The following NFE2 variants were observed in gnomAD, a reference collection of about 807,000 sequenced individuals.
NFE2 encodes the protein transcription factor NF-E2 45 kDa subunit.
Under a neutral mutation model 25.8 loss-of-function variants are expected in NFE2, and 13 were observed. The observed-to-expected ratio is 0.50, with a 90% confidence interval of 0.33 to 0.80. The LOEUF is 0.80. NFE2 is among the 30% of genes least tolerant of loss of function. NFE2 has a pLI of 0.02. For synonymous variants in NFE2, 204 were observed against 200.2 expected, an observed-to-expected ratio of 1.02 and a Z score of -0.16; for missense variants, 382 against 478.9, an observed-to-expected ratio of 0.80 and a Z score of 1.89.
chr12:54,295,096 C>A, intron 2 of NFE2, 39 bp downstream of exon 2: 2 of 1,562,822 alleles, frequency 1.3e-6, no homozygotes, highest in South Asian at 1.1e-5. Flanking sequence ...CTCTCTTCTC[C>A]GACACACGGC....
chr12:54,298,116 C>T (rs1027077598), intron 1 of NFE2, among the ~76,000 whole-genome samples: 2 of 152,176 alleles, frequency 1.3e-5, no homozygotes, highest in South Asian at 2.1e-4. Flanking sequence ...CCCAATCCCC[C>T]CATTTGTCTC....
At position 54,292,576 on chromosome 12, in the gene NFE2, C is replaced by A. The variant is rs778202195; in HGVS notation, c.920G>T (p.Arg307Leu). 1 of 1,614,024 alleles carries A rather than the reference C, an allele frequency of 6.2e-7. No homozygotes were observed. Among genetic ancestry groups the A allele is most frequent in the Non-Finnish European group, 8.5e-7 (1 of 1,180,028 alleles). ...ELERLTNERE[R>L]LLRARGEADR... The stretch of plus-strand genomic sequence containing the variant: ...TGCCTCCCCGCGGGCCCTGAGAAGC[C>A]GCTCCCGTTCATTGGTCAGCCGCTC... The change falls in exon 3 of 3, where the codon CGG becomes CTG. Residue 307 changes from arginine (R) to leucine (L), a missense_variant. By Grantham distance (102) the Arg-to-Leu change is moderately radical. Coordinates refer to ENST00000435572, the MANE Select transcript of NFE2 (RefSeq NM_001136023.3).
At chr12:54,295,449 A>C in intron 1 of NFE2, 145 bp from the exon 2 acceptor site, 1 of 534,454 alleles carries the variant, frequency 1.9e-6, no homozygotes, top group Non-Finnish European at 3.4e-6. Context: ...GGATTCATCA[A>C]TCCCTTAAGA....
chr12:54,300,050 A>C (rs541522754), intron 1 of NFE2: 1 of 152,220 alleles, frequency 6.6e-6, no homozygotes, highest in African/African-American at 2.4e-5. Flanking sequence ...GAAGAGGGGG[A>C]CGAGTTTCTG....
intron 2 of NFE2, 32 bp from the exon 3 acceptor site, chr12:54,293,413 C>G: frequency 6.9e-7 from 1 of 1,439,168 alleles, no homozygotes; most frequent in Admixed American, 2.4e-5. Context: ...GATTTGGAGA[C>G]AGACTAAGGA....
rs1944336800 is a variant in NFE2, at chr12:54,293,275, G to T, written c.221C>A (p.Ser74Tyr). 1 of 1,612,178 alleles carries T rather than the reference G, an allele frequency of 6.2e-7. No homozygotes were observed. Among genetic ancestry groups the T allele is most frequent in the Non-Finnish European group, 8.5e-7 (1 of 1,179,084 alleles). ...TYCPCSIHPD[S>Y]GFPLPPPPYE... ...AGGTGGTGGAGGAAGTGGGAAGCCA[G>T]AATCTGGGTGGATTGAGCAGGGGCA... The change falls in exon 3 of 3, where the codon TCT becomes TAT. Residue 74 changes from serine (S) to tyrosine (Y), a missense_variant. Ser to Tyr is a moderately radical substitution (Grantham distance 144, BLOSUM62 -2). Transcript: ENST00000435572.
rs1161799657 is a variant in NFE2 at position 54,295,134 on chromosome 12, CCTGCA to C, written c.110_114del (p.Leu37ArgfsTer7). On this transcript the variant is annotated frameshift_variant and splice_region_variant, in exon 2 of 3. Coordinates refer to ENST00000435572, the MANE Select transcript of NFE2 (RefSeq NM_001136023.3). LOFTEE classifies it high-confidence loss of function. ...CCCCTGCCCTATCCCCCCTTACTCA[CCTGCA>C]GCTCGGTGATGGACATGATCTCCTG... The C allele has an allele frequency of 6.2e-7, 1 of 1,613,730 alleles. No individual in the cohort carries two copies. Among genetic ancestry groups the C allele is most frequent in the Non-Finnish European group, 8.5e-7 (1 of 1,179,682 alleles).
intron 1 of NFE2, among the ~76,000 whole-genome samples, chr12:54,298,429 C>T (rs983475620): frequency 2.0e-5 from 3 of 150,718 alleles, no homozygotes; most frequent in Non-Finnish European, 3.0e-5. Flanking sequence ...ATCGCTTGAA[C>T]CCAGGAGGCG....
Position 54,300,996 on chromosome 12 carries a change from A to G in NFE2, c.-252T>C, listed in dbSNP as rs1442043913. On this transcript the variant is annotated 5_prime_UTR_variant, in exon 1 of 3. Transcript: ENST00000435572. ...AGGCTGAGCTGAGCACAGGAGCCCC[A>G]AGCAGGCGCACCAGCGTCTGAAGCC... is the stretch of plus-strand genomic sequence containing the variant. 6.6e-6 allele frequency: 1 copy of G among 152,234 alleles called. No individual in the cohort carries two copies. Among genetic ancestry groups the G allele is most frequent in the African/African-American group, 2.4e-5 (1 of 41,444 alleles). The allele number at this position is 152,234 out of a possible 1,614,324, so 9.4% of individuals were successfully genotyped here. A position where few individuals can be genotyped will look rare whatever the true frequency, so the allele number is the denominator to read the frequency against.
chr12:54,298,438 C>T (rs909209605), intron 1 of NFE2, among the ~76,000 whole-genome samples: 7 of 139,276 alleles, frequency 5.0e-5, no homozygotes, highest in South Asian at 2.3e-4. Flanking sequence ...ACCCAGGAGG[C>T]GGAGGTTGTG....
rs1337317495 is a variant in NFE2, at chr12:54,295,151, G to A, written c.98C>T (p.Ser33Phe). Residue 33 changes from serine to phenylalanine, a missense_variant, in exon 2 of 3, where the codon TCC becomes TTC. By Grantham distance (155) the Ser-to-Phe change is radical. Coordinates refer to ENST00000435572, the MANE Select transcript of NFE2 (RefSeq NM_001136023.3). ...CTTACTCACCTGCAGCTCGGTGATG[G>A]ACATGATCTCCTGCCAAGTCAGTTC... The part of the protein sequence containing the change: ...EMELTWQEIM[S>F]ITELQGLNAP... 3.1e-6 allele frequency: 5 copies of A among 1,613,914 alleles called. No individual in the cohort carries two copies. Among genetic ancestry groups the A allele is most frequent in the African/African-American group, 1.3e-5 (1 of 75,006 alleles).
At chr12:54,296,721 CT>C (rs1944375569) in intron 1 of NFE2, among the ~76,000 whole-genome samples, 1 of 152,168 alleles carries the variant, frequency 6.6e-6, no homozygotes, top group African/African-American at 2.4e-5. Context: ...CTAGTTGCAG[CT>C]CTGCCACAAA....
chr12:54,299,920 G>T (rs1434524990), intron 1 of NFE2, among the ~76,000 whole-genome samples: 1 of 152,106 alleles, frequency 6.6e-6, no homozygotes, highest in East Asian at 1.9e-4. Context: ...CTCCCGAAGA[G>T]AGAGAGACAC....
chr12:54,294,782 G>T (rs1192544594), intron 2 of NFE2, among the ~76,000 whole-genome samples: 1 of 152,186 alleles, frequency 6.6e-6, no homozygotes, highest in Non-Finnish European at 1.5e-5. Context: ...CCAAGGGCAG[G>T]CGGAGGTAAT....
chr12:54,293,825 G>A (rs1057039920), intron 2 of NFE2, among the ~76,000 whole-genome samples: 5 of 152,132 alleles, frequency 3.3e-5, no homozygotes, highest in East Asian at 1.9e-4. Context: ...CAGCCTGGGC[G>A]ACAGAGCAAG....
intron 1 of NFE2, among the ~76,000 whole-genome samples, chr12:54,299,151 G>T (rs1183545715): frequency 6.6e-6 from 1 of 152,140 alleles, no homozygotes; most frequent in African/African-American, 2.4e-5. Context: ...CTTGGGTGCA[G>T]TAGCAAGTTT....
Position 54,293,225 on chromosome 12 carries a change from G to A in NFE2, c.271C>T (p.His91Tyr), listed in dbSNP as rs1438920821. Residue 91 changes from histidine (H) to tyrosine (Y), a missense_variant, in exon 3 of 3, where the codon CAT (histidine) becomes TAT (tyrosine). By Grantham distance (83) the His-to-Tyr change is moderately conservative. Coordinates refer to ENST00000435572, the MANE Select transcript of NFE2 (RefSeq NM_001136023.3). Reference sequence around the variant, plus strand: ...TAGGAGTATGGGGGATCTGGGACATGGGATGTGGATGCTGGGAGCTCATAA... The same window carrying A: ...TAGGAGTATGGGGGATCTGGGACATAGGATGTGGATGCTGGGAGCTCATAA... ...PPYELPASTS[H>Y]VPDPPYSYGN... 1.2e-6 allele frequency: 2 copies of A among 1,608,392 alleles called. No homozygotes were observed. Among genetic ancestry groups the A allele is most frequent in the Non-Finnish European group, 1.7e-6 (2 of 1,177,146 alleles).
Position 54,292,604 on chromosome 12 carries a change from G to A in NFE2, c.892C>T (p.Leu298=), listed in dbSNP as rs573153562. ...TCCCGTTCATTGGTCAGCCGCTCCA[G>A]CTCCCGCTCCAGCTGCACAATGGTT... ...LETIVQLERE[L]ERLTNERERL... Residue 298 remains leucine, a synonymous_variant, in exon 3 of 3, where the codon CTG becomes TTG. Transcript: ENST00000435572. 1 of 1,614,148 alleles carries A rather than the reference G, an allele frequency of 6.2e-7. No homozygotes were observed. The highest frequency in any genetic ancestry group is 1.1e-5 in the South Asian group (1 of 91,090).
chr12:54,295,515 G>A, intron 1 of NFE2: 1 of 374,364 alleles, frequency 2.7e-6, no homozygotes, highest in Non-Finnish European at 5.0e-6. Context: ...GCCACAGTCA[G>A]TTCCTTTGGT....
Sources: allele counts gnomAD v4.1 joint callset (sites outside exome capture counted in the v4.1 genomes callset), GRCh38; gene constraint gnomAD v4.1.1; transcripts MANE v1.5; gene names NCBI Gene and HGNC (gene_info 2026-07-23, HGNC 2026-07-21).